The following POU2F1 variants were observed in gnomAD, a reference collection of about 807,000 sequenced individuals.
POU2F1 encodes the protein POU domain, class 2, transcription factor 1.
A neutral mutation model predicts 84.9 loss-of-function variants in POU2F1; 16 were observed. The observed-to-expected ratio is 0.19, with a 90% CI of 0.13 to 0.29. The LOEUF is 0.29. POU2F1 is among the 10% of genes least tolerant of loss of function. POU2F1 has a pLI of 1.00. For synonymous variants in POU2F1, 368 were observed against 368.3 expected (o/e 1.00, Z 0.01); for missense variants, 738 against 942.6 (o/e 0.78, Z 2.84).
chr1:167,343,050 C>G (rs986630739), intron 2 of POU2F1, among the ~76,000 whole-genome samples: 5 of 151,938 alleles, frequency 3.3e-5, no homozygotes, highest in Non-Finnish European at 7.4e-5. Flanking sequence ...TAATAGATGT[C>G]AGTTACAGGA....
At chr1:167,322,178 T>C (rs1656359016) in intron 1 of POU2F1, among the ~76,000 whole-genome samples, 1 of 152,214 alleles carries the variant, frequency 6.6e-6, no homozygotes, top group Non-Finnish European at 1.5e-5. Context: ...AGTAATTTGA[T>C]TCACCCAATA....
chr1:167,353,314 ATACTT>A (rs960914945), intron 2 of POU2F1, among the ~76,000 whole-genome samples: 25 of 148,954 alleles, frequency 1.7e-4, no homozygotes, highest in Non-Finnish European at 3.1e-4. Context: ...TCCCTCTTCA[ATACTT>A]TACATTTTTC....
At position 167,268,558 on chromosome 1, in the gene POU2F1, A is replaced by G. The variant is rs1486787881; in HGVS notation, c.61+47600A>G. On this transcript the variant is annotated intron_variant, in intron 1 of 15. Coordinates refer to ENST00000367866, the MANE Select transcript of POU2F1 (RefSeq NM_002697.4). Reference sequence around the variant, plus strand: ...TCTTTTTTGACCAAAAGTGCACCCTACATGGTTTCTATTGTTGTCCACATG... The same window carrying G: ...TCTTTTTTGACCAAAAGTGCACCCTGCATGGTTTCTATTGTTGTCCACATG... 3.9e-5 allele frequency among the ~76,000 whole-genome samples: 6 copies of G among 152,174 alleles called. No individual in the cohort carries two copies. In the East Asian group the frequency reaches 7.7e-4, roughly 20 times the overall value.
intron 1 of POU2F1, among the ~76,000 whole-genome samples, chr1:167,230,746 A>T (rs531604004): frequency 2.6e-5 from 4 of 152,186 alleles, no homozygotes; most frequent in Non-Finnish European, 4.4e-5. Context: ...TCTCTAATTG[A>T]TTATGTAAGT....
chr1:167,386,164 A>G (rs1647958646), intron 8 of POU2F1, among the ~76,000 whole-genome samples: 1 of 152,012 alleles, frequency 6.6e-6, no homozygotes, highest in Non-Finnish European at 1.5e-5. Context: ...AATGGTATAC[A>G]CACTTTGGAA....
chr1:167,284,228 T>A (rs761577335), intron 1 of POU2F1, among the ~76,000 whole-genome samples: 2 of 152,170 alleles, frequency 1.3e-5, no homozygotes, highest in Non-Finnish European at 2.9e-5. Flanking sequence ...AATTGATAAT[T>A]GTTTGGATGT....
Position 167,419,854 on chromosome 1 carries a change from GAAAT to G in POU2F1, c.*4047_*4050del, listed in dbSNP as rs1464566415. 1 of 152,130 alleles carries G rather than the reference GAAAT, an allele frequency of 6.6e-6. No homozygotes were observed. The highest frequency in any genetic ancestry group is 6.5e-5 in the Admixed American group (1 of 15,276). 9.4% of individuals were successfully genotyped at this position (152,130 alleles called of 1,614,324 possible). On this transcript the variant is annotated 3_prime_UTR_variant, in exon 16 of 16. Transcript: ENST00000367866. Reference sequence around the variant, plus strand: ...CTTATACTTAATGCTAGCACTGTAAGAAATAAGTCTTTTTTGTTTAAAAAAGGGA... The same window carrying G: ...CTTATACTTAATGCTAGCACTGTAAGAAGTCTTTTTTGTTTAAAAAAGGGA...
chr1:167,395,219 A>G (rs1648720792), intron 9 of POU2F1, among the ~76,000 whole-genome samples: 1 of 152,248 alleles, frequency 6.6e-6, no homozygotes, highest in African/African-American at 2.4e-5. Flanking sequence ...ATAGGCTTAT[A>G]GAGAAAGACA....
chr1:167,322,906 A>G (rs1656424219), intron 1 of POU2F1, among the ~76,000 whole-genome samples: 1 of 152,216 alleles, frequency 6.6e-6, no homozygotes, highest in African/African-American at 2.4e-5. Context: ...GAACACCTTA[A>G]GCGGTTTTCC....
At chr1:167,332,424 C>T in intron 1 of POU2F1, 46 bp from the exon 2 acceptor site, 5 of 1,482,542 alleles carry the variant, frequency 3.4e-6, no homozygotes, top group Non-Finnish European at 4.7e-6. Context: ...ATCCCATCTC[C>T]ATCCCCAGTT....
Position 167,383,840 on chromosome 1 carries a change from A to G in POU2F1, c.719-17A>G, listed in dbSNP as rs1190379099. The G allele has an allele frequency of 2.5e-6, 4 of 1,596,250 alleles. No individual in the cohort carries two copies. The highest frequency in any genetic ancestry group is 3.4e-6 in the Non-Finnish European group (4 of 1,167,916). On this transcript the variant is annotated splice_polypyrimidine_tract_variant and intron_variant, in intron 7 of 15. Transcript: ENST00000367866. ...GAAATCTTTAATGTTTCTGGATAAC[A>G]TGTTTTTCTTCTACAGGTCTCCTGC...
chr1:167,369,375 C>G (rs575858049), intron 3 of POU2F1, among the ~76,000 whole-genome samples: 1 of 152,186 alleles, frequency 6.6e-6, no homozygotes, highest in South Asian at 2.1e-4. Context: ...ACTATTTTAC[C>G]CTTTGTGAGT....
intron 1 of POU2F1, among the ~76,000 whole-genome samples, chr1:167,242,190 A>T (rs932676792): frequency 3.9e-5 from 6 of 152,222 alleles, no homozygotes; most frequent in Non-Finnish European, 5.9e-5. Flanking sequence ...TTATGGTTTA[A>T]CTAAGAAGCA....
intron 1 of POU2F1, among the ~76,000 whole-genome samples, chr1:167,277,892 AT>A (rs1475432520): frequency 6.6e-6 from 1 of 151,998 alleles, no homozygotes; most frequent in African/African-American, 2.4e-5. Flanking sequence ...TCCTTTAATA[AT>A]TTTCAAATCC....
intron 8 of POU2F1, among the ~76,000 whole-genome samples, chr1:167,387,864 A>C (rs1648104116): frequency 6.6e-6 from 1 of 152,228 alleles, no homozygotes; most frequent in African/African-American, 2.4e-5. Context: ...TCATGTCCCA[A>C]AATAAACTAT....
At chr1:167,290,127 A>G (rs1361960569) in intron 1 of POU2F1, among the ~76,000 whole-genome samples, 1 of 152,180 alleles carries the variant, frequency 6.6e-6, no homozygotes, top group Non-Finnish European at 1.5e-5. Flanking sequence ...GCGGTGGTTC[A>G]TGCCTGTAAT....
intron 1 of POU2F1, among the ~76,000 whole-genome samples, chr1:167,307,487 T>C (rs1286480142): frequency 6.8e-6 from 1 of 147,886 alleles, no homozygotes; most frequent in Non-Finnish European, 1.5e-5. Flanking sequence ...AAAAAAAAAC[T>C]GTATAGTGGT....
intron 1 of POU2F1, among the ~76,000 whole-genome samples, chr1:167,243,939 T>C (rs573890947): frequency 1.4e-4 from 22 of 152,294 alleles, no homozygotes; most frequent in Admixed American, 7.8e-4. Context: ...TCCCCTCTTA[T>C]CCGTAGCTGC....
At chr1:167,389,393 T>C (rs1322305146) in intron 8 of POU2F1, among the ~76,000 whole-genome samples, 195 bp from the exon 9 acceptor site, 1 of 152,250 alleles carries the variant, frequency 6.6e-6, no homozygotes, top group African/African-American at 2.4e-5. Flanking sequence ...TAGAATTACA[T>C]AATTACTTGT....
Sources: gnomAD v4.1 joint callset for allele counts (sites outside exome capture counted in the v4.1 genomes callset) on GRCh38, gnomAD v4.1.1 for gene constraint, MANE v1.5 for transcripts, NCBI Gene and HGNC (gene_info 2026-07-23, HGNC 2026-07-21) for gene names.